RBFOX1: variants seen among roughly 807,000 people sequenced by gnomAD.
RBFOX1 encodes the protein RNA binding protein fox-1 homolog 1.
A neutral mutation model predicts 57.7 loss-of-function variants in RBFOX1; 8 were observed. The ratio of observed to expected loss-of-function variants is 0.14; its 90% CI spans 0.08 to 0.25. The LOEUF is 0.25. RBFOX1 is among the 10% of genes least tolerant of loss of function. The probability of loss-of-function intolerance (pLI) is 1.00; values close to 1 mark genes in which losing one functional copy is unlikely to be tolerated. For missense variants in RBFOX1, 611 were observed against 548.5 expected (o/e 1.11, Z -1.14); for synonymous variants, 326 against 222.4 (o/e 1.47, Z -4.15).
At position 5,947,616 on chromosome 16, in the gene RBFOX1, T is replaced by A. The variant is rs1450411086; in HGVS notation, c.351+80281T>A. 1.3e-5 allele frequency among the ~76,000 whole-genome samples: 2 copies of A among 152,214 alleles called. No homozygotes were observed. The highest frequency in any genetic ancestry group is 2.9e-5 in the Non-Finnish European group (2 of 68,038). Reference sequence around the variant, plus strand: ...GGGATTACATGCATGATCCACCATGTCTTGACCCTTCGATTTTAGGTATTT... The same window carrying A: ...GGGATTACATGCATGATCCACCATGACTTGACCCTTCGATTTTAGGTATTT... On this transcript the variant is annotated intron_variant, in intron 4 of 19. Transcript: ENST00000641259. The surrounding 1 kb of genome is among the most constrained non-coding windows in gnomAD (Gnocchi z 7.2).
At chr16:7,200,687 T>C (rs1265968194) in intron 4 of RBFOX1, among the ~76,000 whole-genome samples, 1 of 152,114 alleles carries the variant, frequency 6.6e-6, no homozygotes, top group Non-Finnish European at 1.5e-5. Flanking sequence ...TGCCCCAAAT[T>C]AAAGGATAAT....
intron 3 of RBFOX1, among the ~76,000 whole-genome samples, chr16:5,667,943 T>C (rs1430766440): frequency 6.6e-6 from 1 of 152,152 alleles, no homozygotes; most frequent in Non-Finnish European, 1.5e-5. Context: ...TAGACCACTT[T>C]GAGGGGATGG....
chr16:5,983,759 G>C (rs1054079585), intron 4 of RBFOX1, among the ~76,000 whole-genome samples: 4 of 152,076 alleles, frequency 2.6e-5, no homozygotes, highest in African/African-American at 9.7e-5. Flanking sequence ...CTGGAGTCAT[G>C]AGTATTCTGA....
At chr16:6,266,089 A>G (rs750239304) in intron 1 of RBFOX1, among the ~76,000 whole-genome samples, 4 of 152,118 alleles carry the variant, frequency 2.6e-5, no homozygotes, top group Non-Finnish European at 4.4e-5. Flanking sequence ...GGGAAGTGAG[A>G]TGTGTCACTT....
chr16:5,544,985 T>C (rs1401993743), intron 2 of RBFOX1, among the ~76,000 whole-genome samples: 4 of 52,264 alleles, frequency 7.7e-5, no homozygotes, highest in East Asian at 2.5e-3. Context: ...TTTTTTTTTT[T>C]TTTTTTTTTG....
intron 2 of RBFOX1, among the ~76,000 whole-genome samples, chr16:6,320,806 A>T (rs1370267434): frequency 6.6e-6 from 1 of 151,952 alleles, no homozygotes; most frequent in Admixed American, 6.6e-5. Context: ...TATTATTATT[A>T]TTTATGAGAC....
In RBFOX1 at chr16:5,780,764, G is replaced by A. The variant is rs185287433; in HGVS notation, c.319-86539G>A. Among the ~76,000 whole-genome samples the A allele has an allele frequency of 1.1e-3, 172 of 152,308 alleles. 1 individual carries two copies. Among genetic ancestry groups the A allele is most frequent in the Admixed American group, 2.6e-3 (40 of 15,296 alleles). On this transcript the variant is annotated intron_variant, in intron 3 of 19. Transcript: ENST00000641259. ...AGTACAAGATGTACAGGCAGCTCCC[G>A]AGAGAAGCATGGGACGCCTGGTTTA...
At chr16:5,467,433 C>T (rs2068988650) in intron 2 of RBFOX1, among the ~76,000 whole-genome samples, 1 of 152,142 alleles carries the variant, frequency 6.6e-6, no homozygotes, top group African/African-American at 2.4e-5. Context: ...AGGGAAGGCT[C>T]ATGAGATCAA....
chr16:7,349,968 G>A lies in RBFOX1; in HGVS notation c.28-168179G>A, dbSNP rs567661169. Reference sequence around the variant, plus strand: ...TCGAGACCAGCCTGGGCAACATGGTGAAACCTCATTTCTACTGAAACATAC... The same window carrying A: ...TCGAGACCAGCCTGGGCAACATGGTAAAACCTCATTTCTACTGAAACATAC... On this transcript the variant is annotated intron_variant, in intron 4 of 15. Transcript: ENST00000550418. Among the ~76,000 whole-genome samples the A allele has an allele frequency of 2.4e-4, 36 of 152,256 alleles. No individual in the cohort carries two copies. In the South Asian group the frequency reaches 7.5e-3, roughly 32 times the overall value.
At chr16:6,322,544 C>G (rs2081933469) in intron 2 of RBFOX1, among the ~76,000 whole-genome samples, 1 of 152,050 alleles carries the variant, frequency 6.6e-6, no homozygotes. Context: ...ACTTGATTGC[C>G]CCTTGTAGGA....
At chr16:6,651,371 TCTG>T (rs1568049065) in intron 2 of RBFOX1, among the ~76,000 whole-genome samples, 2 of 152,018 alleles carry the variant, frequency 1.3e-5, no homozygotes, top group Non-Finnish European at 2.9e-5. Flanking sequence ...TTATCTGGCC[TCTG>T]ACTACTTCTC....
chr16:6,649,331 T>C (rs1340284068), intron 2 of RBFOX1, among the ~76,000 whole-genome samples: 1 of 152,248 alleles, frequency 6.6e-6, no homozygotes, highest in Non-Finnish European at 1.5e-5. Context: ...ATTTGCTTTA[T>C]GTGGTTCTTC....
intron 10 of RBFOX1, among the ~76,000 whole-genome samples, chr16:7,625,774 G>C (rs1426097824): frequency 6.6e-6 from 1 of 152,178 alleles, no homozygotes; most frequent in Non-Finnish European, 1.5e-5. Flanking sequence ...TTGCCAAACA[G>C]CCTTTCTTTT....
intron 4 of RBFOX1, among the ~76,000 whole-genome samples, chr16:7,275,171 A>C (rs1282720822): frequency 6.6e-6 from 1 of 152,152 alleles, no homozygotes; most frequent in Admixed American, 6.5e-5. Flanking sequence ...GAAGGGATAG[A>C]GGGAGAGAGG....
intron 2 of RBFOX1, among the ~76,000 whole-genome samples, chr16:5,579,253 A>G (rs2046578902): frequency 6.6e-6 from 1 of 152,084 alleles, no homozygotes; most frequent in Non-Finnish European, 1.5e-5. Context: ...AGGTAGCCAG[A>G]CAGGTGCTTA....
intron 1 of RBFOX1, among the ~76,000 whole-genome samples, chr16:6,093,905 C>T (rs191631615): frequency 6.6e-6 from 1 of 152,112 alleles, no homozygotes; most frequent in African/African-American, 2.4e-5. Flanking sequence ...CAGACTGGAG[C>T]CCCTGTGCCC....
At chr16:5,306,728 C>G (rs1317992266) in intron 1 of RBFOX1, among the ~76,000 whole-genome samples, 2 of 152,186 alleles carry the variant, frequency 1.3e-5, no homozygotes, top group Non-Finnish European at 2.9e-5. Context: ...CTGCCCTGCC[C>G]TCCATCACCC....
At chr16:7,252,580 T>C (rs1304627506) in intron 4 of RBFOX1, among the ~76,000 whole-genome samples, 1 of 152,250 alleles carries the variant, frequency 6.6e-6, no homozygotes, top group Non-Finnish European at 1.5e-5. Context: ...AACAGCAATC[T>C]GTTGAGCTTT....
At position 6,892,205 on chromosome 16, in the gene RBFOX1, C is replaced by A. The variant is rs77915716; in HGVS notation, c.-15-159852C>A. On this transcript the variant is annotated intron_variant, in intron 3 of 15. Coordinates refer to ENST00000550418, the MANE Select transcript of RBFOX1 (RefSeq NM_018723.4). The stretch of plus-strand genomic sequence containing the variant: ...TTATGCAAAGTTAATGCCCTTTGGC[C>A]AAGCAGAACTTCCCCAGAGCTCCTT... 7.2e-5 allele frequency among the ~76,000 whole-genome samples: 11 copies of A among 152,200 alleles called. No homozygotes were observed. In the East Asian group the frequency reaches 1.9e-3, roughly 27 times the overall value.
Sources: gnomAD v4.1 joint callset for allele counts (sites outside exome capture counted in the v4.1 genomes callset) on GRCh38, gnomAD v4.1.1 for gene constraint, Gnocchi (gnomAD v3.1) non-coding constraint, MANE v1.5 for transcripts, NCBI Gene and HGNC (gene_info 2026-07-23, HGNC 2026-07-21) for gene names.